Variants in RGL1 observed in about 807,000 individuals in gnomAD.
The protein encoded by RGL1 is ral guanine nucleotide dissociation stimulator like 1.
A neutral mutation model predicts 95.2 loss-of-function variants in RGL1; 24 were observed. The observed-to-expected ratio is 0.25, with a 90% CI of 0.18 to 0.35. The LOEUF (loss-of-function observed/expected upper bound fraction) is 0.35. Ranked by LOEUF, RGL1 falls within the 10% of genes least tolerant of loss-of-function variation. The pLI, the probability that RGL1 is intolerant of heterozygous loss-of-function variation, is 1.00. For synonymous variants in RGL1, 329 were observed against 344.9 expected, an observed-to-expected ratio of 0.95 and a Z score of 0.51; for missense variants, 715 against 936.3, an observed-to-expected ratio of 0.76 and a Z score of 3.08.
At chr1:183,727,997 G>A (rs1256589465) in intron 1 of RGL1, among the ~76,000 whole-genome samples, 1 of 152,144 alleles carries the variant, frequency 6.6e-6, no homozygotes, top group Non-Finnish European at 1.5e-5. Flanking sequence ...GGTAGACTGA[G>A]TAAAACAGGT....
intron 1 of RGL1, among the ~76,000 whole-genome samples, chr1:183,662,155 C>A (rs912023456): frequency 7.3e-4 from 98 of 133,738 alleles, no homozygotes; most frequent in African/African-American, 2.6e-3. Context: ...TGGCACAAGA[C>A]AGGGATGCCC....
chr1:183,828,089 A>G (rs576762924), intron 2 of RGL1, among the ~76,000 whole-genome samples: 12 of 151,940 alleles, frequency 7.9e-5, no homozygotes, highest in Non-Finnish European at 1.5e-4. Flanking sequence ...AAATGTTGCA[A>G]CTTTTTTTTA....
In RGL1 at chr1:183,853,162, C is replaced by G. The variant is rs562563246; in HGVS notation, c.347+5388C>G. 9.5e-4 allele frequency among the ~76,000 whole-genome samples: 145 copies of G among 152,104 alleles called. 1 individual carries two copies. The highest frequency in any genetic ancestry group is 3.3e-3 in the African/African-American group (138 of 41,468). On this transcript the variant is annotated intron_variant, in intron 3 of 17. Coordinates refer to ENST00000360851, the MANE Select transcript of RGL1 (RefSeq NM_001297671.3). Reference sequence around the variant, plus strand: ...ACCAGCCTGGCCAACAAGGCAAAACCCCATCTCTACTAAAAATACAAAAGT... The same window carrying G: ...ACCAGCCTGGCCAACAAGGCAAAACGCCATCTCTACTAAAAATACAAAAGT...
chr1:183,664,946 C>CCTTG (rs1651928002), intron 1 of RGL1, among the ~76,000 whole-genome samples: 1 of 152,046 alleles, frequency 6.6e-6, no homozygotes, highest in African/African-American at 2.4e-5. Context: ...GAGGGGACAT[C>CCTTG]CTTGCCTTGT....
At chr1:183,662,380 A>T (rs1373403039) in intron 1 of RGL1, among the ~76,000 whole-genome samples, 1 of 151,984 alleles carries the variant, frequency 6.6e-6, no homozygotes, top group East Asian at 1.9e-4. Context: ...ATACAAAATC[A>T]ATGTGCAAAA....
At chr1:183,679,584 A>G (rs1653072025) in intron 1 of RGL1, among the ~76,000 whole-genome samples, 1 of 151,566 alleles carries the variant, frequency 6.6e-6, no homozygotes, top group Admixed American at 6.6e-5. Flanking sequence ...CATGGTATAT[A>G]TGTGCCACAT....
chr1:183,892,052 A>T (rs1667455355), intron 8 of RGL1, 25 bp from the exon 9 acceptor site: 1 of 1,575,848 alleles, frequency 6.3e-7, no homozygotes, highest in African/African-American at 1.3e-5. Context: ...TTCATTGTTA[A>T]TATTTTCTTA....
At chr1:183,675,096 T>A (rs146614788) in intron 1 of RGL1, among the ~76,000 whole-genome samples, 73 of 152,294 alleles carry the variant, frequency 4.8e-4, no homozygotes, top group African/African-American at 1.4e-3. Flanking sequence ...AAGGAAACCA[T>A]CAGAGCCAAT....
At chr1:183,648,396 T>C in intron 1 of RGL1, 1 of 1,614,220 alleles carries the variant, frequency 6.2e-7, no homozygotes, top group Non-Finnish European at 8.5e-7. Flanking sequence ...GTGGTTAGCT[T>C]CATTACAAGG....
At chr1:183,856,363 C>T (rs1438750818) in intron 3 of RGL1, among the ~76,000 whole-genome samples, 3 of 151,496 alleles carry the variant, frequency 2.0e-5, no homozygotes, top group Non-Finnish European at 4.4e-5. Flanking sequence ...CTACTAGTTT[C>T]CATTTGGCTC....
Position 183,904,859 on chromosome 1 carries a change from G to T in RGL1, c.1360G>T (p.Val454Leu), listed in dbSNP as rs1668225683. The change falls in exon 13 of 18, where the codon GTG becomes TTG. Residue 454 changes from valine to leucine, a missense_variant. By Grantham distance (32) the Val-to-Leu change is conservative. Transcript: ENST00000360851. Reference protein sequence around the residue: ...NFEKRRREFEVIAQIKLLQSA... With the variant: ...NFEKRRREFELIAQIKLLQSA... The stretch of plus-strand genomic sequence containing the variant: ...ATTCTGTCTGCTTTAGGAATTTGAA[G>T]TGATTGCCCAGATAAAGCTCTTACA... The T allele has an allele frequency of 2.5e-6, 4 of 1,607,788 alleles. No individual in the cohort carries two copies. Among genetic ancestry groups the T allele is most frequent in the Non-Finnish European group, 2.5e-6 (3 of 1,178,138 alleles).
At chr1:183,746,540 C>T (rs913193071) in intron 2 of RGL1, among the ~76,000 whole-genome samples, 1 of 151,196 alleles carries the variant, frequency 6.6e-6, no homozygotes, top group Non-Finnish European at 1.5e-5. Flanking sequence ...ATTAATTATT[C>T]ATCGTTATGT....
intron 1 of RGL1, chr1:183,648,393 G>T (rs778856735): frequency 6.2e-7 from 1 of 1,614,100 alleles, no homozygotes; most frequent in African/African-American, 1.3e-5. Context: ...GCAGTGGTTA[G>T]CTTCATTACA....
chr1:183,845,508 C>T (rs1292056420), intron 2 of RGL1, among the ~76,000 whole-genome samples: 1 of 152,130 alleles, frequency 6.6e-6, no homozygotes, highest in Non-Finnish European at 1.5e-5. Flanking sequence ...TATTCATTTA[C>T]AGTTTCATTT....
chr1:183,829,607 A>G (rs1288104696), intron 2 of RGL1, among the ~76,000 whole-genome samples: 2 of 152,112 alleles, frequency 1.3e-5, no homozygotes, highest in Non-Finnish European at 2.9e-5. Flanking sequence ...CTTACATTTG[A>G]TCCTGATAAT....
At position 183,888,521 on chromosome 1, in the gene RGL1, G is replaced by A. The variant is rs375471211; in HGVS notation, c.999G>A (p.Ser333=). The part of the protein sequence containing the change: ...KNFSSLRAIV[S]ALQSNSIYRL... ...TTTCCTCCTTGAGGGCCATCGTTTC[G>A]GCACTGCAGTCTAATTCCATCTATC... Residue 333 remains serine (S), a synonymous_variant, in exon 8 of 18, where the codon TCG becomes TCA. Transcript: ENST00000360851. 24 of 1,613,218 alleles carry A rather than the reference G, an allele frequency of 1.5e-5. No individual in the cohort carries two copies. Among genetic ancestry groups the A allele is most frequent in the East Asian group, 2.2e-5 (1 of 44,880 alleles).
chr1:183,877,877 G>A (rs1666598315), intron 4 of RGL1, among the ~76,000 whole-genome samples: 1 of 152,184 alleles, frequency 6.6e-6, no homozygotes, highest in Admixed American at 6.5e-5. Flanking sequence ...CTCCTCTTTA[G>A]AACTCTCCTA....
chr1:183,663,290 A>G (rs923735646), intron 1 of RGL1, among the ~76,000 whole-genome samples: 1 of 151,752 alleles, frequency 6.6e-6, no homozygotes, highest in Admixed American at 6.6e-5. Flanking sequence ...ACAAAATGGG[A>G]GAAAATTTTC....
chr1:183,903,882 T>C (rs553835999), intron 12 of RGL1, among the ~76,000 whole-genome samples: 24 of 152,356 alleles, frequency 1.6e-4, no homozygotes, highest in African/African-American at 5.5e-4. Context: ...ACGATACTTT[T>C]TTCTTTAGCA....
Sources: allele counts gnomAD v4.1 joint callset (sites outside exome capture counted in the v4.1 genomes callset), GRCh38; gene constraint gnomAD v4.1.1; transcripts MANE v1.5; gene names NCBI Gene and HGNC (gene_info 2026-07-23, HGNC 2026-07-21).